Variants in HYKK observed in about 807,000 individuals in gnomAD.
HYKK encodes the protein 5-hydroxy-L-lysine kinase.
In HYKK, 19 loss-of-function variants were observed where a neutral mutation model predicts 29.7. The ratio of observed to expected loss-of-function variants is 0.64; its 90% confidence interval spans 0.45 to 0.94. The LOEUF (loss-of-function observed/expected upper bound fraction) is 0.94, where lower values mean the gene tolerates loss of function less well. Ranked by LOEUF, HYKK falls within the 40% of genes least tolerant of loss-of-function variation. The pLI is 0.00. For missense variants in HYKK, 390 were observed against 443.4 expected (o/e 0.88, Z 1.08); for synonymous variants, 152 against 158.1 (o/e 0.96, Z 0.29).
intron 3 of HYKK, among the ~76,000 whole-genome samples, chr15:78,518,067 C>T (rs2052154668): frequency 1.3e-5 from 2 of 152,228 alleles, no homozygotes; most frequent in Non-Finnish European, 2.9e-5. Flanking sequence ...CTTTGGTCTC[C>T]CCAGACTCTC....
chr15:78,526,061 G>A (rs1431500906), intron 3 of HYKK, among the ~76,000 whole-genome samples: 2 of 152,174 alleles, frequency 1.3e-5, no homozygotes, highest in East Asian at 1.9e-4. Context: ...ATAACAAGTC[G>A]TTATCCCTCT....
At chr15:78,526,940 T>C (rs1167246198) in intron 3 of HYKK, among the ~76,000 whole-genome samples, 1 of 152,086 alleles carries the variant, frequency 6.6e-6, no homozygotes, top group Admixed American at 6.5e-5. Context: ...GCACATCTCT[T>C]GTGACAGTGA....
At chr15:78,527,856 A>C (rs1567022933) in intron 4 of HYKK, 1 of 588,282 alleles carries the variant, frequency 1.7e-6, no homozygotes. Context: ...ACTTTATATC[A>C]ATGGTATCAC....
At chr15:78,537,016 C>G (rs182985922), downstream of HYKK, among the ~76,000 whole-genome samples, 3 of 152,302 alleles carry the variant, frequency 2.0e-5, no homozygotes, top group Admixed American at 1.3e-4. Context: ...CAGGACTTAA[C>G]CAGCGGCCCC....
At chr15:78,520,505 T>C (rs911166394) in intron 3 of HYKK, among the ~76,000 whole-genome samples, 4 of 152,112 alleles carry the variant, frequency 2.6e-5, no homozygotes, top group Non-Finnish European at 5.9e-5. Context: ...CCTTAATCCA[T>C]TTAACCCTGA....
chr15:78,528,909 T>C (rs1161659218), intron 4 of HYKK: 14 of 937,824 alleles, frequency 1.5e-5, no homozygotes, highest in Non-Finnish European at 1.8e-5. Flanking sequence ...GTGTAAGGTG[T>C]AGCGTAAAAA....
chr15:78,529,850 T>TA lies in HYKK; in HGVS notation c.661+2287_661+2288insA, dbSNP rs2052293083. On this transcript the variant is annotated intron_variant, in intron 4 of 4. Coordinates refer to ENST00000388988, the MANE Select transcript of HYKK (RefSeq NM_001013619.4). ...ATGTTTGGATGCATAATTCTAAATT[T>TA]TTTTTTTGAGGCAGTCTTGCTCTGT... is the stretch of plus-strand genomic sequence containing the variant. Among the ~76,000 whole-genome samples the TA allele has an allele frequency of 2.0e-5, 3 of 151,978 alleles. No individual in the cohort carries two copies. The South Asian group carries it at 6.2e-4, about 32-fold the overall frequency.
chr15:78,535,637 A>G lies in HYKK; in HGVS notation c.*1967A>G, dbSNP rs964790158. The stretch of plus-strand genomic sequence containing the variant: ...GTAATTTTTTGCTTGCCTCTCTTAT[A>G]TTCAGTGAGCCCTACTGGTTTTTAG... On this transcript the variant is annotated 3_prime_UTR_variant, in exon 5 of 5. Coordinates refer to ENST00000388988, the MANE Select transcript of HYKK (RefSeq NM_001013619.4). 4.6e-5 allele frequency: 7 copies of G among 152,188 alleles called. No homozygotes were observed. Among genetic ancestry groups the G allele is most frequent in the African/African-American group, 1.4e-4 (6 of 41,456 alleles). 9.4% of individuals were successfully genotyped at this position (152,188 alleles called of 1,614,324 possible).
chr15:78,527,605 CT>C (rs1337044210), intron 4 of HYKK, 42 bp downstream of exon 4: 1 of 1,604,352 alleles, frequency 6.2e-7, no homozygotes, highest in Admixed American at 1.7e-5. Context: ...GATATTTAAA[CT>C]GTCCAATTTC....
chr15:78,528,648 C>A, intron 4 of HYKK: 1 of 405,068 alleles, frequency 2.5e-6, no homozygotes, highest in Non-Finnish European at 3.3e-6. Flanking sequence ...AATAAAAATG[C>A]AAAAACTAGC....
At chr15:78,524,105 G>C (rs1354364357) in intron 3 of HYKK, among the ~76,000 whole-genome samples, 1 of 152,228 alleles carries the variant, frequency 6.6e-6, no homozygotes, top group Non-Finnish European at 1.5e-5. Context: ...GACTCTGTGT[G>C]GGGGCTCCAA....
At chr15:78,512,617 G>T (rs2052086081) in intron 1 of HYKK, among the ~76,000 whole-genome samples, 2 of 151,886 alleles carry the variant, frequency 1.3e-5, no homozygotes, top group Non-Finnish European at 2.9e-5. Context: ...GGCCAGGCTG[G>T]TCTCAAACTC....
At chr15:78,515,893 A>T (rs5022780) in intron 3 of HYKK, among the ~76,000 whole-genome samples, 48,652 of 151,758 alleles carry the variant, frequency 0.32, 8,688 homozygotes, top group Non-Finnish European at 0.42. Flanking sequence ...CAGCCCAAAA[A>T]TTTTTTTTAA....
intron 1 of HYKK, among the ~76,000 whole-genome samples, 184 bp downstream of exon 1, chr15:78,507,855 A>G (rs1251462936): frequency 2.0e-5 from 3 of 152,058 alleles, no homozygotes; most frequent in African/African-American, 7.2e-5. Flanking sequence ...TTCTTCCCGG[A>G]CCTCACCTGT....
chr15:78,525,536 C>T (rs1309661283), intron 3 of HYKK, among the ~76,000 whole-genome samples: 4 of 151,376 alleles, frequency 2.6e-5, no homozygotes, highest in Non-Finnish European at 4.4e-5. Context: ...CTCACTCTGT[C>T]GCCCAGGCTG....
chr15:78,521,467 G>T (rs2052195604), intron 3 of HYKK, among the ~76,000 whole-genome samples: 1 of 151,888 alleles, frequency 6.6e-6, no homozygotes, highest in South Asian at 2.1e-4. Flanking sequence ...TTGCGGGTTT[G>T]CCATTACTTT....
At chr15:78,511,147 C>T (rs1265732258) in intron 1 of HYKK, among the ~76,000 whole-genome samples, 1 of 151,820 alleles carries the variant, frequency 6.6e-6, no homozygotes, top group Non-Finnish European at 1.5e-5. Flanking sequence ...ATCCCCTGAA[C>T]AGCAATCAAA....
intron 1 of HYKK, among the ~76,000 whole-genome samples, chr15:78,510,617 A>G (rs1198397933): frequency 6.6e-6 from 1 of 152,184 alleles, no homozygotes; most frequent in Non-Finnish European, 1.5e-5. Flanking sequence ...CACTGGAGTT[A>G]GGTGGGTTTT....
At chr15:78,514,892 C>CTCTCTCTCTA in intron 2 of HYKK, 76 bp from the exon 3 acceptor site, 1 of 392,558 alleles carries the variant, frequency 2.5e-6, no homozygotes, top group East Asian at 7.3e-5. Flanking sequence ...CTAAATACCT[C>CTCTCTCTCTA]TCTCTCTCTC....
Sources: allele counts gnomAD v4.1 joint callset (sites outside exome capture counted in the v4.1 genomes callset), GRCh38; gene constraint gnomAD v4.1.1; transcripts MANE v1.5; gene names NCBI Gene and HGNC (gene_info 2026-07-23, HGNC 2026-07-21).